TBC1D32: variants seen among roughly 807,000 people sequenced by gnomAD.
The protein encoded by TBC1D32 is TBC1 domain family member 32.
A neutral mutation model predicts 170.3 loss-of-function variants in TBC1D32; 151 were observed. The observed-to-expected ratio is 0.89, with a 90% CI of 0.78 to 1.01. TBC1D32 has a LOEUF of 1.01. Among genes scored for constraint, TBC1D32 ranks in the 50% least tolerant of loss-of-function variants. The probability of loss-of-function intolerance (pLI) is 0.00; values close to 1 mark genes in which losing one functional copy is unlikely to be tolerated. For missense variants in TBC1D32, 1,464 were observed against 1,457.1 expected (o/e 1.00, Z -0.08); for synonymous variants, 498 against 488.0 (o/e 1.02, Z -0.27).
intron 1 of TBC1D32, among the ~76,000 whole-genome samples, chr6:121,329,999 T>C (rs1042991519): frequency 4.5e-4 from 69 of 152,272 alleles, no homozygotes; most frequent in African/African-American, 1.6e-3. Context: ...TCTTGGTAAT[T>C]TTCTCCATAC....
At chr6:121,277,884 A>C (rs1802451229) in intron 15 of TBC1D32, among the ~76,000 whole-genome samples, 1 of 151,978 alleles carries the variant, frequency 6.6e-6, no homozygotes, top group Admixed American at 6.6e-5. Context: ...CTAAGAAAAA[A>C]AAAAAGAGAA....
intron 24 of TBC1D32, among the ~76,000 whole-genome samples, chr6:121,148,213 C>T (rs1302978246): frequency 6.6e-6 from 1 of 152,052 alleles, no homozygotes; most frequent in Admixed American, 6.6e-5. Context: ...TCAATTCCCA[C>T]TTACGAGTGA....
intron 25 of TBC1D32, among the ~76,000 whole-genome samples, chr6:121,128,861 T>G (rs1781131634): frequency 6.6e-6 from 1 of 152,120 alleles, no homozygotes; most frequent in Non-Finnish European, 1.5e-5. Context: ...ATCCAATACA[T>G]ATCCAAACAG....
chr6:121,159,990 T>C lies in TBC1D32; in HGVS notation c.2773+20A>G. On this transcript the variant is annotated intron_variant, in intron 24 of 31. Coordinates refer to ENST00000398212, the MANE Select transcript of TBC1D32 (RefSeq NM_152730.6). ...CAAAAGCTTTAAAAATAATATGGCA[T>C]TTGATGGTAAATATTTTACCTTGTT... 1 of 1,473,424 alleles carries C rather than the reference T, an allele frequency of 6.8e-7. No homozygotes were observed. The highest frequency in any genetic ancestry group is 9.4e-7 in the Non-Finnish European group (1 of 1,062,662). The allele number at this position is 1,473,424 out of a possible 1,614,324, so 91.3% of individuals were successfully genotyped here. A position where few individuals can be genotyped will look rare whatever the true frequency, so the allele number is the denominator to read the frequency against.
intron 26 of TBC1D32, among the ~76,000 whole-genome samples, chr6:121,119,783 T>C (rs948759695): frequency 1.3e-5 from 2 of 152,086 alleles, no homozygotes; most frequent in Non-Finnish European, 2.9e-5. Context: ...TTTTCCAGAT[T>C]TGCAAATTTT....
chr6:121,204,800 G>C (rs1792019686), intron 22 of TBC1D32, among the ~76,000 whole-genome samples: 2 of 146,590 alleles, frequency 1.4e-5, no homozygotes, highest in South Asian at 4.1e-4. Flanking sequence ...TGACTCCTGA[G>C]TACACTAAAT....
At chr6:121,135,577 G>A (rs563058622) in intron 24 of TBC1D32, among the ~76,000 whole-genome samples, 1 of 152,266 alleles carries the variant, frequency 6.6e-6, no homozygotes, top group South Asian at 2.1e-4. Flanking sequence ...AGAGATTAAA[G>A]AGGCTAAAAT....
Position 121,161,177 on chromosome 6 carries a change from T to A in TBC1D32, c.2571-121A>T. On this transcript the variant is annotated intron_variant, in intron 22 of 31. Transcript: ENST00000398212. ...ATATTTATCAATCTATTTCTTTTTC[T>A]TTACTGCATTTAGCATTTATATAAT... 4.1e-6 allele frequency: 3 copies of A among 735,168 alleles called. No individual in the cohort carries two copies. The East Asian group carries it at 8.2e-5, about 20-fold the overall frequency. 45.5% of individuals were successfully genotyped at this position (735,168 alleles called of 1,614,324 possible). A position where few individuals can be genotyped will look rare whatever the true frequency, so the allele number is the denominator to read the frequency against.
chr6:121,324,167 A>G (rs181773044), intron 1 of TBC1D32, among the ~76,000 whole-genome samples: 1 of 152,318 alleles, frequency 6.6e-6, no homozygotes, highest in Non-Finnish European at 1.5e-5. Context: ...TAAAAATATC[A>G]GAAGTGTTAT....
chr6:121,155,967 C>T (rs1249905165), intron 24 of TBC1D32, among the ~76,000 whole-genome samples: 1 of 151,876 alleles, frequency 6.6e-6, no homozygotes, highest in Non-Finnish European at 1.5e-5. Context: ...AATATTTGGC[C>T]TAAAGTTTCT....
intron 1 of TBC1D32, among the ~76,000 whole-genome samples, chr6:121,330,398 G>A (rs548842120): frequency 1.4e-4 from 22 of 152,068 alleles, no homozygotes; most frequent in Admixed American, 5.2e-4. Context: ...AAAAGTCACC[G>A]GTGAATTCTT....
chr6:121,188,590 G>A (rs546174018), intron 22 of TBC1D32, among the ~76,000 whole-genome samples: 23 of 151,978 alleles, frequency 1.5e-4, no homozygotes, highest in Non-Finnish European at 2.1e-4. Flanking sequence ...TAGTGTAAGC[G>A]TGTTATTTTT....
chr6:121,131,878 A>G (rs1193229283), intron 24 of TBC1D32, 126 bp from the exon 25 acceptor site: 4 of 619,006 alleles, frequency 6.5e-6, no homozygotes, highest in Non-Finnish European at 7.6e-6. Flanking sequence ...AGGAAAACAG[A>G]TATTCTTCTG....
Position 121,080,891 on chromosome 6 carries a change from C to T in TBC1D32, c.3655-1G>A. On this transcript the variant is annotated splice_acceptor_variant, in intron 31 of 31. Coordinates refer to ENST00000398212, the MANE Select transcript of TBC1D32 (RefSeq NM_152730.6). LOFTEE classifies it high-confidence loss of function. ...CTCGAAACCCATGCAGTGCTTCTTC[C>T]TGCCAAAAATTACAAAGGGAAAATT... 6.2e-7 allele frequency: 1 copy of T among 1,602,512 alleles called. No homozygotes were observed. Among genetic ancestry groups the T allele is most frequent in the African/African-American group, 1.3e-5 (1 of 74,202 alleles).
At chr6:121,171,321 TAAA>T (rs59558382) in intron 22 of TBC1D32, among the ~76,000 whole-genome samples, 6 of 131,766 alleles carry the variant, frequency 4.6e-5, no homozygotes, top group Admixed American at 7.6e-5. Flanking sequence ...TCTTACAAGT[TAAA>T]AAAAAAAAAA....
chr6:121,122,149 T>C (rs1303367080), intron 26 of TBC1D32, among the ~76,000 whole-genome samples: 1 of 151,950 alleles, frequency 6.6e-6, no homozygotes, highest in Non-Finnish European at 1.5e-5. Flanking sequence ...ATACCCCACA[T>C]TCAATCTGTT....
At chr6:121,110,264 T>A (rs56264146) in intron 29 of TBC1D32, among the ~76,000 whole-genome samples, 4,849 of 144,930 alleles carry the variant, frequency 0.033, 184 homozygotes, top group East Asian at 0.13. Context: ...AAAAAAAAAA[T>A]TTTATATATA....
intron 26 of TBC1D32, among the ~76,000 whole-genome samples, chr6:121,125,683 C>T (rs1023310265): frequency 3.9e-5 from 6 of 152,134 alleles, no homozygotes; most frequent in African/African-American, 1.4e-4. Flanking sequence ...AAAGACAGCT[C>T]CCCAACTGCT....
intron 24 of TBC1D32, among the ~76,000 whole-genome samples, chr6:121,155,185 T>A (rs1404860164): frequency 6.6e-6 from 1 of 152,160 alleles, no homozygotes; most frequent in East Asian, 1.9e-4. Context: ...TTCAGCAATG[T>A]TTGTAGTTCT....
Sources: gnomAD v4.1 joint callset for allele counts (sites outside exome capture counted in the v4.1 genomes callset) on GRCh38, gnomAD v4.1.1 for gene constraint, MANE v1.5 for transcripts, NCBI Gene and HGNC (gene_info 2026-07-23, HGNC 2026-07-21) for gene names.